Variants in AOPEP observed in about 807,000 individuals in gnomAD.
AOPEP encodes the protein aminopeptidase O (putative), also known as aminopeptidase O.
A neutral mutation model predicts 98.1 loss-of-function variants in AOPEP; 77 were observed. The ratio of observed to expected loss-of-function variants is 0.78; its 90% CI spans 0.65 to 0.95. The LOEUF (loss-of-function observed/expected upper bound fraction) is 0.95, where lower values mean the gene tolerates loss of function less well. Among genes scored for constraint, AOPEP ranks in the 40% least tolerant of loss-of-function variants. AOPEP has a pLI of 0.00. For synonymous variants in AOPEP, 346 were observed against 365.3 expected, an observed-to-expected ratio of 0.95 and a Z score of 0.60; for missense variants, 1,024 against 1,024.7, an observed-to-expected ratio of 1.00 and a Z score of 0.01.
intron 5 of AOPEP, among the ~76,000 whole-genome samples, chr9:94,839,154 C>T (rs1357379390): frequency 4.0e-5 from 6 of 149,754 alleles, no homozygotes; most frequent in Admixed American, 6.7e-5. Flanking sequence ...GGCGCGATTT[C>T]GGCTCACTGA....
chr9:94,910,372 G>A (rs2051839677), intron 5 of AOPEP, among the ~76,000 whole-genome samples: 1 of 152,174 alleles, frequency 6.6e-6, no homozygotes. Flanking sequence ...CTTGCTACCC[G>A]GGTAGGACCC....
At chr9:94,907,439 G>A (rs1274673839) in intron 5 of AOPEP, among the ~76,000 whole-genome samples, 3 of 152,248 alleles carry the variant, frequency 2.0e-5, no homozygotes, top group East Asian at 3.9e-4. Context: ...CACAGTGTTG[G>A]CCTCAGAGAC....
chr9:94,790,515 C>T (rs2133401235), intron 3 of AOPEP, among the ~76,000 whole-genome samples: 1 of 152,190 alleles, frequency 6.6e-6, no homozygotes, highest in East Asian at 1.9e-4. Flanking sequence ...CCTTCTGGTT[C>T]CAGAAGCAGG....
At chr9:94,819,985 A>C in intron 5 of AOPEP, among the ~76,000 whole-genome samples, 1 of 123,442 alleles carries the variant, frequency 8.1e-6, no homozygotes. Flanking sequence ...TCGCTTTGTC[A>C]CCCAGGCTGG....
chr9:94,999,023 C>T lies in AOPEP; in HGVS notation c.1978-6135C>T, dbSNP rs188728978. Among the ~76,000 whole-genome samples, 93 of 152,156 alleles carry T rather than the reference C, an allele frequency of 6.1e-4. 1 individual carries two copies. In the East Asian group the frequency reaches 0.016, roughly 26 times the overall value. On this transcript the variant is annotated intron_variant, in intron 11 of 16. Transcript: ENST00000375315. ...AGTAGAGTTATAAGTTAAGAACAGT[C>T]ATACATCCTTAACTCCTGTACTTTA...
chr9:95,084,417 G>A (rs996880300), intron 16 of AOPEP, among the ~76,000 whole-genome samples: 2 of 152,230 alleles, frequency 1.3e-5, no homozygotes, highest in Non-Finnish European at 2.9e-5. Context: ...GTAGCGAAAC[G>A]CCTGCTGCAG....
chr9:95,024,629 C>A (rs552433404), intron 13 of AOPEP, among the ~76,000 whole-genome samples: 1 of 152,138 alleles, frequency 6.6e-6, no homozygotes, highest in African/African-American at 2.4e-5. Flanking sequence ...GGCCTTTGGC[C>A]GGTTTGTTTG....
intron 1 of AOPEP, among the ~76,000 whole-genome samples, chr9:94,732,757 C>T (rs1281136470): frequency 1.3e-5 from 2 of 152,192 alleles, no homozygotes; most frequent in Non-Finnish European, 2.9e-5. Context: ...ATACTAAATA[C>T]AGAATATAAA....
intron 5 of AOPEP, among the ~76,000 whole-genome samples, chr9:94,805,364 C>G (rs1458605385): frequency 6.6e-6 from 1 of 152,112 alleles, no homozygotes; most frequent in Non-Finnish European, 1.5e-5. Flanking sequence ...GTTTTCTTCC[C>G]CTGGCAGCTG....
intron 5 of AOPEP, among the ~76,000 whole-genome samples, chr9:94,894,288 A>T (rs192510095): frequency 6.6e-6 from 1 of 152,294 alleles, no homozygotes; most frequent in Admixed American, 6.5e-5. Context: ...TATTGCCAAA[A>T]CCAATAAAAC....
intron 1 of AOPEP, among the ~76,000 whole-genome samples, chr9:94,757,123 A>C (rs150135064): frequency 1.4e-3 from 210 of 152,342 alleles, no homozygotes; most frequent in Non-Finnish European, 2.3e-3. Context: ...AAGCTTAATA[A>C]GCTTTGGTGA....
intron 11 of AOPEP, among the ~76,000 whole-genome samples, chr9:94,999,285 T>A (rs1162334125): frequency 6.6e-6 from 1 of 151,806 alleles, no homozygotes; most frequent in African/African-American, 2.4e-5. Flanking sequence ...ATGAAAATAA[T>A]GGTAGAAAAA....
chr9:95,073,576 G>A (rs1269059078), intron 14 of AOPEP, among the ~76,000 whole-genome samples: 2 of 152,156 alleles, frequency 1.3e-5, no homozygotes, highest in Admixed American at 6.5e-5. Flanking sequence ...ATCCCAGCAG[G>A]CCGGGCGCGG....
intron 5 of AOPEP, 107 bp downstream of exon 5, chr9:94,801,109 G>A: frequency 3.0e-6 from 4 of 1,318,808 alleles, no homozygotes; most frequent in Non-Finnish European, 3.2e-6. Context: ...TTAGAATGGA[G>A]GGGCTATGGT....
At chr9:94,893,872 T>C (rs934874356) in intron 5 of AOPEP, among the ~76,000 whole-genome samples, 8 of 152,164 alleles carry the variant, frequency 5.3e-5, no homozygotes, top group African/African-American at 1.9e-4. Context: ...TCATGGAACA[T>C]TTGTAGAAAT....
the AOPEP span, among the ~76,000 whole-genome samples, chr9:95,131,696 G>A: frequency 2.6e-5 from 4 of 152,216 alleles, no homozygotes; most frequent in South Asian, 4.1e-4. Context: ...AGGAAGTGCC[G>A]AAAAGACTGA....
chr9:94,794,754 C>T (rs1158862926), intron 4 of AOPEP, among the ~76,000 whole-genome samples: 1 of 152,092 alleles, frequency 6.6e-6, no homozygotes, highest in African/African-American at 2.4e-5. Context: ...ACTTTAATTG[C>T]ATGTGAGATC....
At chr9:94,745,280 T>A (rs1834207187) in intron 1 of AOPEP, among the ~76,000 whole-genome samples, 1 of 122,912 alleles carries the variant, frequency 8.1e-6, no homozygotes, top group Admixed American at 8.5e-5. Flanking sequence ...TTGTTTTAAT[T>A]TTTTTTTTTT....
chr9:95,053,737 G>T (rs576723899), intron 13 of AOPEP, among the ~76,000 whole-genome samples: 2 of 147,078 alleles, frequency 1.4e-5, no homozygotes, highest in African/African-American at 5.0e-5. Context: ...TGTTGTTGTT[G>T]GATACAGAGT....
Sources: allele counts gnomAD v4.1 joint callset (sites outside exome capture counted in the v4.1 genomes callset), GRCh38; gene constraint gnomAD v4.1.1; transcripts MANE v1.5; gene names NCBI Gene and HGNC (gene_info 2026-07-23, HGNC 2026-07-21).